AHRR: variants seen among roughly 807,000 people sequenced by gnomAD.
The protein encoded by AHRR is aryl hydrocarbon receptor repressor.
In AHRR, 28 loss-of-function variants were observed where a neutral mutation model predicts 44.0. That is an observed-to-expected ratio of 0.64 (90% CI 0.47 to 0.87). AHRR has a LOEUF of 0.87. AHRR is among the 40% of genes least tolerant of loss of function. The probability of loss-of-function intolerance (pLI) is 0.00; values close to 1 mark genes in which losing one functional copy is unlikely to be tolerated. For missense variants in AHRR, 990 were observed against 953.9 expected, an observed-to-expected ratio of 1.04 and a Z score of -0.50; for synonymous variants, 434 against 407.0, an observed-to-expected ratio of 1.07 and a Z score of -0.80.
At chr5:389,838 G>A (rs1386930327) in intron 4 of AHRR, among the ~76,000 whole-genome samples, 1 of 149,178 alleles carries the variant, frequency 6.7e-6, no homozygotes, top group South Asian at 2.2e-4. Flanking sequence ...AACCTGAGAA[G>A]ACGAGCTGGA....
intron 5 of AHRR, among the ~76,000 whole-genome samples, chr5:417,063 A>G (rs1003509990): frequency 6.7e-5 from 10 of 149,894 alleles, no homozygotes; most frequent in African/African-American, 2.2e-4. Context: ...CTGTATGTGC[A>G]GGGCCCGAGT....
At chr5:376,552 A>AGGCGGG in intron 3 of AHRR, 58 bp from the exon 4 acceptor site, 1 of 1,409,244 alleles carries the variant, frequency 7.1e-7, no homozygotes, top group Non-Finnish European at 9.6e-7. Flanking sequence ...ATGTGAATGA[A>AGGCGGG]GAAGAGTGGC....
chr5:374,483 C>G (rs554194685), intron 3 of AHRR, among the ~76,000 whole-genome samples: 2 of 152,350 alleles, frequency 1.3e-5, no homozygotes, highest in African/African-American at 2.4e-5. Context: ...AGAGGCCGCC[C>G]TTGCCCAAGG....
chr5:403,983 T>C (rs1409917423), intron 4 of AHRR: 1 of 1,189,540 alleles, frequency 8.4e-7, no homozygotes, highest in Non-Finnish European at 1.3e-6. Context: ...CATTTTCTGC[T>C]TTCTTTACAG....
intron 1 of AHRR, among the ~76,000 whole-genome samples, chr5:341,709 T>G (rs1322220356): frequency 6.6e-6 from 1 of 152,030 alleles, no homozygotes; most frequent in African/African-American, 2.4e-5. Context: ...TTTTTATGTT[T>G]TATCTCTTAT....
At chr5:418,194 CTAAAG>C (rs1166632874) in intron 5 of AHRR, among the ~76,000 whole-genome samples, 13 of 152,158 alleles carry the variant, frequency 8.5e-5, no homozygotes, top group African/African-American at 2.4e-4. Flanking sequence ...TAGTGTAAAA[CTAAAG>C]TAAAGACTGT....
chr5:364,705 A>G (rs1163270588), intron 3 of AHRR, among the ~76,000 whole-genome samples: 1 of 152,146 alleles, frequency 6.6e-6, no homozygotes, highest in East Asian at 1.9e-4. Flanking sequence ...ATAACAACTA[A>G]AAGATAAAGA....
chr5:363,650 G>A (rs1276419051), intron 3 of AHRR, among the ~76,000 whole-genome samples: 3 of 152,204 alleles, frequency 2.0e-5, no homozygotes, highest in African/African-American at 7.2e-5. Context: ...GATTTCTTGA[G>A]TGTAAGAGGG....
At chr5:391,284 C>T (rs972677542) in intron 4 of AHRR, among the ~76,000 whole-genome samples, 1 of 147,482 alleles carries the variant, frequency 6.8e-6, no homozygotes, top group African/African-American at 2.5e-5. Flanking sequence ...TGAGGGCAGT[C>T]ATGACACAGC....
At chr5:324,057 C>CTTT (rs1741613888) in intron 1 of AHRR, among the ~76,000 whole-genome samples, 3 of 146,374 alleles carry the variant, frequency 2.0e-5, no homozygotes, top group African/African-American at 8.3e-5. Context: ...CTCTCTCTCT[C>CTTT]TCTTTCTTTC....
chr5:367,782 C>T (rs1204526497), intron 3 of AHRR: 3 of 697,508 alleles, frequency 4.3e-6, no homozygotes, highest in African/African-American at 1.7e-5. Context: ...GGGTTCTGTC[C>T]CCCTCCTTCT....
At chr5:344,132 C>A (rs909872552) in intron 2 of AHRR, among the ~76,000 whole-genome samples, 168 bp downstream of exon 2, 15 of 151,250 alleles carry the variant, frequency 9.9e-5, no homozygotes, top group African/African-American at 3.6e-4. Context: ...GTCGTCTCCC[C>A]GCAGCGCCCC....
intron 3 of AHRR, among the ~76,000 whole-genome samples, chr5:367,211 G>A (rs1743390770): frequency 6.6e-6 from 1 of 152,214 alleles, no homozygotes. Flanking sequence ...CCACCCTGGA[G>A]GAGCTGGGGG....
intron 3 of AHRR, among the ~76,000 whole-genome samples, chr5:369,924 G>T (rs1743507905): frequency 6.6e-6 from 1 of 152,380 alleles, no homozygotes; most frequent in Non-Finnish European, 1.5e-5. Context: ...TGAGGCTCTG[G>T]TCCCCTCATT....
intron 5 of AHRR, among the ~76,000 whole-genome samples, chr5:417,358 A>C (rs1470930822): frequency 1.3e-5 from 2 of 150,552 alleles, no homozygotes; most frequent in African/African-American, 4.9e-5. Flanking sequence ...AGTTTAGAGA[A>C]GGCGGCTTGG....
intron 3 of AHRR, among the ~76,000 whole-genome samples, chr5:362,805 CA>C (rs1159769302): frequency 6.6e-6 from 1 of 152,232 alleles, no homozygotes; most frequent in Non-Finnish European, 1.5e-5. Flanking sequence ...GGGGCTCATT[CA>C]CTCATTTACT....
intron 3 of AHRR, among the ~76,000 whole-genome samples, chr5:368,252 G>A (rs952897596): frequency 6.6e-6 from 1 of 152,196 alleles, no homozygotes; most frequent in South Asian, 2.1e-4. Flanking sequence ...CAGTGGGGCT[G>A]CTCAGGAAGA....
intron 5 of AHRR, among the ~76,000 whole-genome samples, chr5:421,802 A>G (rs922858681): frequency 3.3e-5 from 5 of 152,110 alleles, no homozygotes; most frequent in Admixed American, 1.3e-4. Context: ...GGTCCTTGCC[A>G]TTGGGTTGCT....
In AHRR at chr5:376,691, T is replaced by C; in HGVS notation, c.326T>C (p.Val109Ala). 1 of 1,609,692 alleles carries C rather than the reference T, an allele frequency of 6.2e-7. No individual in the cohort carries two copies. The highest frequency in any genetic ancestry group is 8.5e-7 in the Non-Finnish European group (1 of 1,178,508). Residue 109 changes from valine to alanine, a missense_variant, in exon 4 of 11, where the codon GTG (valine) becomes GCG (alanine). Physicochemically the swap from Val to Ala is moderately conservative, Grantham distance 64. Transcript: ENST00000684583. ...GDSCPLAGSA[V>A]LEGRLLLESL... is the part of the protein sequence containing the mutation. ...AGCTGTCCTCTTGCAGGGTCTGCCG[T>C]GCTGGAGGGAAGGCTGCTGTTGGAG...
Sources: gnomAD v4.1 joint callset for allele counts (sites outside exome capture counted in the v4.1 genomes callset) on GRCh38, gnomAD v4.1.1 for gene constraint, MANE v1.5 for transcripts, NCBI Gene and HGNC (gene_info 2026-07-23, HGNC 2026-07-21) for gene names.